EFNA5: variants seen among roughly 807,000 people sequenced by gnomAD.
EFNA5 encodes the protein ephrin-A5.
EFNA5 carries 5 observed loss-of-function variants against 22.9 expected under a neutral mutation model. The observed-to-expected ratio is 0.22, with a 90% confidence interval of 0.11 to 0.46. EFNA5 has a LOEUF of 0.46. EFNA5 is among the 20% of genes least tolerant of loss of function. The probability of loss-of-function intolerance (pLI) is 0.99; values close to 1 mark genes in which losing one functional copy is unlikely to be tolerated. For missense variants in EFNA5, 237 were observed against 293.3 expected (o/e 0.81, Z 1.40); for synonymous variants, 113 against 112.2 (o/e 1.01, Z -0.04).
In EFNA5 at chr5:107,670,472, G is replaced by T; in HGVS notation, c.125+17C>A. The T allele has an allele frequency of 1.9e-6, 3 of 1,552,214 alleles. No homozygotes were observed. The highest frequency in any genetic ancestry group is 1.9e-5 in the Admixed American group (1 of 51,974). On this transcript the variant is annotated intron_variant, in intron 1 of 4. Transcript: ENST00000333274. Reference sequence around the variant, plus strand: ...GAGGCCCGGGTAGCCCTGGCTCTCCGCCTGTTATCGGCTTACCTGGGGTTG... The same window carrying T: ...GAGGCCCGGGTAGCCCTGGCTCTCCTCCTGTTATCGGCTTACCTGGGGTTG...
chr5:107,570,399 T>C (rs912372170), intron 1 of EFNA5, among the ~76,000 whole-genome samples: 4 of 152,160 alleles, frequency 2.6e-5, no homozygotes, highest in South Asian at 2.1e-4. Context: ...GCTGAGCAAA[T>C]GGGATCAAAT....
chr5:107,444,144 C>T (rs1580455368), intron 1 of EFNA5, among the ~76,000 whole-genome samples: 2 of 152,296 alleles, frequency 1.3e-5, no homozygotes, highest in Non-Finnish European at 2.9e-5. Flanking sequence ...TTCCGCAATG[C>T]TCAATATACT....
intron 2 of EFNA5, among the ~76,000 whole-genome samples, chr5:107,404,291 A>G (rs1748156271): frequency 1.3e-5 from 2 of 152,210 alleles, no homozygotes; most frequent in African/African-American, 4.8e-5. Flanking sequence ...ATTAATAACA[A>G]GACATATATT....
chr5:107,380,543 G>T lies in EFNA5; in HGVS notation c.*712C>A. The stretch of plus-strand genomic sequence containing the variant: ...TGTAGTTTTCTCTGTTTTCACACCT[G>T]CTCTGTATTAGCATTCCACACCCAA... On this transcript the variant is annotated 3_prime_UTR_variant, in exon 5 of 5. Transcript: ENST00000333274. 5.7e-6 allele frequency: 2 copies of T among 351,632 alleles called. No individual in the cohort carries two copies. The highest frequency in any genetic ancestry group is 4.2e-5 in the East Asian group (1 of 23,926). The allele number at this position is 351,632 out of a possible 1,614,324, so 21.8% of individuals were successfully genotyped here.
At chr5:107,433,637 T>C (rs1749029181) in intron 1 of EFNA5, among the ~76,000 whole-genome samples, 2 of 152,230 alleles carry the variant, frequency 1.3e-5, no homozygotes, top group Non-Finnish European at 2.9e-5. Flanking sequence ...GGCTGATGCC[T>C]GTAATCCTAG....
intron 1 of EFNA5, among the ~76,000 whole-genome samples, chr5:107,476,213 A>T (rs1750305732): frequency 6.7e-6 from 1 of 149,548 alleles, no homozygotes; most frequent in African/African-American, 2.5e-5. Context: ...CACCACGCCC[A>T]GCTAATTTTT....
At chr5:107,383,664 T>G (rs542141126) in intron 4 of EFNA5, among the ~76,000 whole-genome samples, 2 of 152,328 alleles carry the variant, frequency 1.3e-5, no homozygotes, top group African/African-American at 4.8e-5. Flanking sequence ...CTTGTATAGC[T>G]TGCAAGTGTA....
intron 1 of EFNA5, among the ~76,000 whole-genome samples, chr5:107,454,316 C>T (rs1183876592): frequency 6.6e-6 from 1 of 152,002 alleles, no homozygotes; most frequent in Non-Finnish European, 1.5e-5. Context: ...AAAGCTTTTG[C>T]TACTATTTCA....
rs747697726 is a variant in EFNA5 at position 107,387,784 on chromosome 5, C to CAG, written c.419-15_419-14dup. On this transcript the variant is annotated splice_polypyrimidine_tract_variant and intron_variant, in intron 2 of 4. Coordinates refer to ENST00000333274, the MANE Select transcript of EFNA5 (RefSeq NM_001962.3). ...GGGATTGCAGAGGCTGTGGGTAACA[C>CAG]AGAGAGAGAGCAGGAAAGAAAGAAG... 20 of 1,588,368 alleles carry CAG rather than the reference C, an allele frequency of 1.3e-5. No individual in the cohort carries two copies. Among genetic ancestry groups the CAG allele is most frequent in the East Asian group, 2.2e-5 (1 of 44,714 alleles).
intron 1 of EFNA5, among the ~76,000 whole-genome samples, chr5:107,495,477 T>A (rs908251531): frequency 6.6e-6 from 1 of 152,260 alleles, no homozygotes; most frequent in Non-Finnish European, 1.5e-5. Flanking sequence ...GGCCTCATTC[T>A]TGAAGTCAGT....
intron 1 of EFNA5, among the ~76,000 whole-genome samples, chr5:107,468,861 A>C (rs1184840898): frequency 1.3e-5 from 2 of 152,220 alleles, no homozygotes; most frequent in Admixed American, 1.3e-4. Context: ...CAGCTGCTTC[A>C]CTAAATGACA....
chr5:107,488,314 T>C (rs1746701380), intron 1 of EFNA5, among the ~76,000 whole-genome samples: 1 of 152,256 alleles, frequency 6.6e-6, no homozygotes, highest in Non-Finnish European at 1.5e-5. Context: ...ATTTCTTACA[T>C]TGTATAAAGT....
At chr5:107,633,375 G>A (rs1451790544) in intron 1 of EFNA5, among the ~76,000 whole-genome samples, 1 of 152,226 alleles carries the variant, frequency 6.6e-6, no homozygotes, top group Non-Finnish European at 1.5e-5. Context: ...GACAAAGCAA[G>A]AAGGGAAAAG....
At chr5:107,509,478 T>G (rs1310089582) in intron 1 of EFNA5, among the ~76,000 whole-genome samples, 1 of 144,004 alleles carries the variant, frequency 6.9e-6, no homozygotes, top group Non-Finnish European at 1.5e-5. Flanking sequence ...GCCACCATGC[T>G]TGGCTAATTT....
At chr5:107,487,500 T>C (rs1450987161) in intron 1 of EFNA5, among the ~76,000 whole-genome samples, 3 of 152,208 alleles carry the variant, frequency 2.0e-5, no homozygotes, top group Non-Finnish European at 4.4e-5. Flanking sequence ...AGAAGGAATA[T>C]CTGCATGGCT....
intron 1 of EFNA5, among the ~76,000 whole-genome samples, chr5:107,435,192 G>A (rs1311045625): frequency 6.6e-6 from 1 of 152,100 alleles, no homozygotes; most frequent in Non-Finnish European, 1.5e-5. Context: ...ATATGTTTTT[G>A]TGAGGAGATG....
chr5:107,388,315 G>A (rs990789820), intron 2 of EFNA5, among the ~76,000 whole-genome samples: 4 of 152,148 alleles, frequency 2.6e-5, no homozygotes, highest in African/African-American at 9.7e-5. Flanking sequence ...TTCAATTAGA[G>A]GTTTTACTCA....
chr5:107,414,799 A>G (rs1748461068), intron 2 of EFNA5, among the ~76,000 whole-genome samples: 1 of 152,218 alleles, frequency 6.6e-6, no homozygotes, highest in South Asian at 2.1e-4. Flanking sequence ...TTATTGATTT[A>G]GCAATTCCAC....
chr5:107,450,868 T>A (rs146340147), intron 1 of EFNA5, among the ~76,000 whole-genome samples: 155 of 152,372 alleles, frequency 1.0e-3, no homozygotes, highest in African/African-American at 3.6e-3. Flanking sequence ...TTATCATTTA[T>A]CCCATTTCTT....
Sources: allele counts gnomAD v4.1 joint callset (sites outside exome capture counted in the v4.1 genomes callset), GRCh38; gene constraint gnomAD v4.1.1; transcripts MANE v1.5; gene names NCBI Gene and HGNC (gene_info 2026-07-23, HGNC 2026-07-21).